Variants in CBLB observed in about 807,000 individuals in gnomAD.
CBLB encodes Cbl proto-oncogene B.
CBLB carries 31 observed loss-of-function variants against 104.9 expected under a neutral mutation model. That is an observed-to-expected ratio of 0.30 (90% confidence interval 0.22 to 0.40). The LOEUF (loss-of-function observed/expected upper bound fraction) is 0.40. Among genes scored for constraint, CBLB ranks in the 10% least tolerant of loss-of-function variants. CBLB has a pLI of 1.00. For missense variants in CBLB, 1,062 were observed against 1,214.6 expected (o/e 0.87, Z 1.87); for synonymous variants, 440 against 422.6 (o/e 1.04, Z -0.51).
chr3:105,719,208 C>T (rs2072396274), intron 10 of CBLB, among the ~76,000 whole-genome samples: 1 of 152,226 alleles, frequency 6.6e-6, no homozygotes, highest in African/African-American at 2.4e-5. Context: ...TATTTTTAAT[C>T]AAATTCAGTT....
intron 3 of CBLB, among the ~76,000 whole-genome samples, chr3:105,798,192 T>C (rs1047342586): frequency 6.6e-6 from 1 of 152,242 alleles, no homozygotes; most frequent in Non-Finnish European, 1.5e-5. Context: ...CGAAGAGATA[T>C]AAAGTCCTAG....
At chr3:105,742,943 T>C (rs2075751970) in intron 6 of CBLB, among the ~76,000 whole-genome samples, 2 of 152,316 alleles carry the variant, frequency 1.3e-5, no homozygotes, top group Admixed American at 6.5e-5. Flanking sequence ...AACTCATTAT[T>C]ATACAGAAGG....
At chr3:105,734,203 CA>C (rs2074653899) in intron 8 of CBLB, 63 bp from the exon 9 acceptor site, 1 of 1,527,304 alleles carries the variant, frequency 6.5e-7, no homozygotes, top group Non-Finnish European at 9.1e-7. Context: ...TTGTTAGTAT[CA>C]AATTTTCCCA....
At chr3:105,834,270 G>A (rs115454469) in intron 3 of CBLB, among the ~76,000 whole-genome samples, 1 of 152,210 alleles carries the variant, frequency 6.6e-6, no homozygotes, top group African/African-American at 2.4e-5. Flanking sequence ...GGAAGTAATG[G>A]CTATGTTAAT....
intron 18 of CBLB, among the ~76,000 whole-genome samples, chr3:105,661,377 G>C (rs192309707): frequency 6.6e-6 from 1 of 152,022 alleles, no homozygotes; most frequent in African/African-American, 2.4e-5. Flanking sequence ...AATAAATTAT[G>C]TTTTGCTTTT....
chr3:105,655,837 G>C lies in CBLB; in HGVS notation c.*3133C>G, dbSNP rs1331595501. On this transcript the variant is annotated 3_prime_UTR_variant, in exon 19 of 19. Coordinates refer to ENST00000394030, the MANE Select transcript of CBLB (RefSeq NM_170662.5). ...AAAGCTTCAAGTTGAAAATCTGAGA[G>C]AAAAAATAACGTTCGAACTGTAGGA... 11 of 218,656 alleles carry C rather than the reference G, an allele frequency of 5.0e-5. 1 individual carries two copies. Among genetic ancestry groups the C allele is most frequent in the African/African-American group, 2.5e-4 (11 of 44,636 alleles). 13.5% of individuals were successfully genotyped at this position (218,656 alleles called of 1,614,324 possible).
At chr3:105,839,611 TAA>T (rs1393522201) in intron 3 of CBLB, 1 of 151,862 alleles carries the variant, frequency 6.6e-6, no homozygotes, top group Non-Finnish European at 1.5e-5. Context: ...GCCCAGAGAG[TAA>T]AAGTTTTCAG....
At chr3:105,686,546 G>C (rs1315734607) in intron 13 of CBLB, among the ~76,000 whole-genome samples, 2 of 151,774 alleles carry the variant, frequency 1.3e-5, no homozygotes, top group East Asian at 1.9e-4. Context: ...AAACATGCCT[G>C]AATTAACATT....
chr3:105,784,244 AAAG>A (rs932948145), intron 3 of CBLB, among the ~76,000 whole-genome samples: 2 of 152,232 alleles, frequency 1.3e-5, no homozygotes, highest in African/African-American at 4.8e-5. Flanking sequence ...TTGAGACAAA[AAAG>A]AAAAAATAAT....
Position 105,794,255 on chromosome 3 carries a change from C to T in CBLB, c.420-17713G>A, listed in dbSNP as rs150556804. 6.0e-3 allele frequency among the ~76,000 whole-genome samples: 915 copies of T among 152,238 alleles called. 8 individuals are homozygous for T. Among genetic ancestry groups the T allele is most frequent in the Non-Finnish European group, 0.01 (704 of 68,020 alleles). ...AACTGTTACCATGTAAAGAAAAAAA[C>T]TGTTATTTTAATATCGGTCTTATGT... On this transcript the variant is annotated intron_variant, in intron 3 of 18. Coordinates refer to ENST00000394030, the MANE Select transcript of CBLB (RefSeq NM_170662.5).
At chr3:105,856,577 T>C (rs2091640486) in intron 2 of CBLB, among the ~76,000 whole-genome samples, 4 of 152,114 alleles carry the variant, frequency 2.6e-5, no homozygotes, top group African/African-American at 4.8e-5. Flanking sequence ...AATTAATGGA[T>C]TGGTTGACTG....
At chr3:105,840,366 T>C (rs1412730997) in intron 3 of CBLB, among the ~76,000 whole-genome samples, 2 of 151,682 alleles carry the variant, frequency 1.3e-5, no homozygotes, top group Non-Finnish European at 1.5e-5. Flanking sequence ...CTGAATTTAA[T>C]GAATACAAGC....
intron 3 of CBLB, among the ~76,000 whole-genome samples, chr3:105,826,491 C>G (rs768646910): frequency 1.3e-5 from 2 of 152,134 alleles, no homozygotes; most frequent in Non-Finnish European, 2.9e-5. Flanking sequence ...TTAAATGGTG[C>G]CACTTCACTG....
chr3:105,659,828 C>A (rs978598529), intron 18 of CBLB, among the ~76,000 whole-genome samples: 5 of 151,464 alleles, frequency 3.3e-5, no homozygotes, highest in African/African-American at 7.3e-5. Flanking sequence ...AAAAAAAAAA[C>A]AAAATAGTAG....
intron 5 of CBLB, 137 bp downstream of exon 5, chr3:105,751,325 T>C: frequency 6.8e-6 from 5 of 735,470 alleles, no homozygotes; most frequent in Non-Finnish European, 1.2e-5. Context: ...AATTACAGAC[T>C]AATAGGAATG....
intron 3 of CBLB, among the ~76,000 whole-genome samples, chr3:105,792,040 T>C (rs538877439): frequency 6.6e-6 from 1 of 152,302 alleles, no homozygotes; most frequent in African/African-American, 2.4e-5. Flanking sequence ...ACTCAAAATT[T>C]GGTCCTTAGA....
chr3:105,859,391 C>T (rs2091902942), intron 2 of CBLB, among the ~76,000 whole-genome samples: 1 of 152,186 alleles, frequency 6.6e-6, no homozygotes, highest in Admixed American at 6.5e-5. Context: ...GTGGCTCACG[C>T]CTGTAATCCC....
chr3:105,730,533 C>T (rs906311306), intron 9 of CBLB, among the ~76,000 whole-genome samples: 1 of 152,040 alleles, frequency 6.6e-6, no homozygotes, highest in Non-Finnish European at 1.5e-5. Flanking sequence ...AACATGCTAG[C>T]AGAGAGATTC....
chr3:105,835,438 G>C (rs1560460996), intron 3 of CBLB, among the ~76,000 whole-genome samples: 1 of 151,944 alleles, frequency 6.6e-6, no homozygotes, highest in Non-Finnish European at 1.5e-5. Flanking sequence ...GAAGACATCA[G>C]GAGAAATATT....
Sources: gnomAD v4.1 joint callset for allele counts (sites outside exome capture counted in the v4.1 genomes callset) on GRCh38, gnomAD v4.1.1 for gene constraint, MANE v1.5 for transcripts, NCBI Gene and HGNC (gene_info 2026-07-23, HGNC 2026-07-21) for gene names.